ACAP2: variants seen among roughly 807,000 people sequenced by gnomAD.
The protein encoded by ACAP2 is arf-GAP with coiled-coil, ANK repeat and PH domain-containing protein 2.
A neutral mutation model predicts 115.8 loss-of-function variants in ACAP2; 39 were observed. That is an observed-to-expected ratio of 0.34 (90% CI 0.26 to 0.44). The LOEUF (loss-of-function observed/expected upper bound fraction) is 0.44. ACAP2 is among the 20% of genes least tolerant of loss of function. The probability of loss-of-function intolerance (pLI) is 1.00; values close to 1 mark genes in which losing one functional copy is unlikely to be tolerated. For synonymous variants in ACAP2, 289 were observed against 315.8 expected (o/e 0.92, Z 0.90); for missense variants, 662 against 927.6 (o/e 0.71, Z 3.72).
chr3:195,320,351 T>G (rs1729369241), intron 10 of ACAP2, among the ~76,000 whole-genome samples: 2 of 152,200 alleles, frequency 1.3e-5, no homozygotes, highest in African/African-American at 4.8e-5. Context: ...ATATTCATAA[T>G]TTGTACTCAA....
At chr3:195,368,652 T>C (rs1177935705) in intron 4 of ACAP2, among the ~76,000 whole-genome samples, 1 of 152,230 alleles carries the variant, frequency 6.6e-6, no homozygotes, top group Non-Finnish European at 1.5e-5. Context: ...AGATTCTTAT[T>C]AGAATATAAT....
intron 4 of ACAP2, among the ~76,000 whole-genome samples, chr3:195,375,821 AGAC>A (rs1038722628): frequency 2.0e-5 from 3 of 151,252 alleles, no homozygotes; most frequent in African/African-American, 7.4e-5. Flanking sequence ...AATGATAGAC[AGAC>A]AACAAAAAGA....
intron 4 of ACAP2, among the ~76,000 whole-genome samples, chr3:195,350,390 T>G (rs751794650): frequency 6.6e-6 from 1 of 152,186 alleles, no homozygotes; most frequent in South Asian, 2.1e-4. Flanking sequence ...CTGGGTACAG[T>G]GGCTCACGTC....
intron 17 of ACAP2, 109 bp from the exon 18 acceptor site, chr3:195,294,920 C>A: frequency 1.6e-6 from 1 of 616,466 alleles, no homozygotes; most frequent in Non-Finnish European, 2.9e-6. Context: ...TGAACTCAGG[C>A]ACCACAAGGA....
At position 195,275,182 on chromosome 3, in the gene ACAP2, G is replaced by A. The variant is rs888589046; in HGVS notation, c.*4146C>T. ...ATATCCAAAAAATGGAGGGTGGGGA[G>A]GTTGAAGAAAAATAAGAAAAGTTAG... On this transcript the variant is annotated 3_prime_UTR_variant, in exon 23 of 23. Coordinates refer to ENST00000326793, the MANE Select transcript of ACAP2 (RefSeq NM_012287.6). The A allele has an allele frequency of 6.6e-6, 1 of 152,536 alleles. No individual in the cohort carries two copies. The highest frequency in any genetic ancestry group is 1.9e-4 in the East Asian group (1 of 5,204). 9.4% of individuals were successfully genotyped at this position (152,536 alleles called of 1,614,324 possible). A position where few individuals can be genotyped will look rare whatever the true frequency, so the allele number is the denominator to read the frequency against.
At chr3:195,294,591 AGAAAAAAAAAAAAAAAATTAT>A in intron 18 of ACAP2, 107 bp downstream of exon 18, 1 of 68,798 alleles carries the variant, frequency 1.5e-5, no homozygotes, top group East Asian at 6.3e-4. Context: ...AAAAAAAAGA[AGAAAAAAAAAAAAAAAATTAT>A]ATATATATAT....
intron 7 of ACAP2, among the ~76,000 whole-genome samples, chr3:195,334,076 G>T (rs1730344914): frequency 6.6e-6 from 1 of 151,950 alleles, no homozygotes; most frequent in Non-Finnish European, 1.5e-5. Context: ...TACATGGAAG[G>T]AATTACATAA....
At chr3:195,326,028 C>A (rs1729773227) in intron 9 of ACAP2, among the ~76,000 whole-genome samples, 1 of 152,032 alleles carries the variant, frequency 6.6e-6, no homozygotes, top group Admixed American at 6.6e-5. Context: ...ATTTTTCTTA[C>A]TTTTATTATG....
chr3:195,420,709 C>G (rs531767876), intron 1 of ACAP2, among the ~76,000 whole-genome samples: 9 of 152,078 alleles, frequency 5.9e-5, no homozygotes, highest in African/African-American at 2.2e-4. Context: ...GTGGCGCCAT[C>G]TCAGCTCACT....
intron 10 of ACAP2, among the ~76,000 whole-genome samples, chr3:195,309,353 T>C (rs1728612531): frequency 6.6e-6 from 1 of 152,104 alleles, no homozygotes; most frequent in Non-Finnish European, 1.5e-5. Flanking sequence ...GAGACCAGCC[T>C]GACCAACATG....
Position 195,300,022 on chromosome 3 carries a change from T to C in ACAP2, c.1395+1553A>G, listed in dbSNP as rs112603017. Among the ~76,000 whole-genome samples the C allele has an allele frequency of 6.4e-4, 94 of 147,576 alleles. 1 individual carries two copies. Among genetic ancestry groups the C allele is most frequent in the African/African-American group, 2.3e-3 (91 of 39,658 alleles). ...AATGGGAATTAGTATCTACTTTCCGTCTTTCTTTTTTCTTTTTTTTTCTTT... is the reference window on the plus strand; with the variant it reads ...AATGGGAATTAGTATCTACTTTCCGCCTTTCTTTTTTCTTTTTTTTTCTTT... On this transcript the variant is annotated intron_variant, in intron 15 of 22. Transcript: ENST00000326793.
intron 6 of ACAP2, among the ~76,000 whole-genome samples, chr3:195,341,907 G>A (rs886078997): frequency 2.0e-5 from 3 of 152,116 alleles, no homozygotes; most frequent in African/African-American, 2.4e-5. Context: ...ACCAAATGCC[G>A]TGTGTTGTCA....
At chr3:195,285,893 A>G (rs1726813533) in intron 21 of ACAP2, 36 bp from the exon 22 acceptor site, 1 of 1,437,622 alleles carries the variant, frequency 7.0e-7, no homozygotes, top group African/African-American at 1.4e-5. Flanking sequence ...AGATGACATT[A>G]TATAATATAA....
chr3:195,354,284 T>G (rs938918629), intron 4 of ACAP2, among the ~76,000 whole-genome samples: 31 of 152,244 alleles, frequency 2.0e-4, no homozygotes, highest in African/African-American at 7.5e-4. Flanking sequence ...TTTGCTGTTG[T>G]GAATAGTGCT....
chr3:195,383,207 A>G (rs1734063284), intron 2 of ACAP2, among the ~76,000 whole-genome samples: 1 of 152,160 alleles, frequency 6.6e-6, no homozygotes, highest in Admixed American at 6.5e-5. Flanking sequence ...ATATGGAGTA[A>G]CCACTATGCA....
chr3:195,347,852 A>G (rs1429064738), intron 4 of ACAP2, among the ~76,000 whole-genome samples: 1 of 151,992 alleles, frequency 6.6e-6, no homozygotes, highest in Non-Finnish European at 1.5e-5. Context: ...CTATATATAT[A>G]CATTTTCAAA....
intron 16 of ACAP2, 152 bp from the exon 17 acceptor site, chr3:195,296,044 A>T (rs1727638869): frequency 3.3e-6 from 2 of 610,638 alleles, no homozygotes; most frequent in Non-Finnish European, 5.5e-6. Flanking sequence ...TATATATATT[A>T]TGTTTCCCTT....
At chr3:195,287,826 G>A (rs560678664) in intron 21 of ACAP2, among the ~76,000 whole-genome samples, 8 of 152,140 alleles carry the variant, frequency 5.3e-5, no homozygotes, top group East Asian at 1.9e-4. Context: ...CATTTTAGCC[G>A]GGCACGGTGA....
At chr3:195,290,407 T>C (rs555490664) in intron 20 of ACAP2, among the ~76,000 whole-genome samples, 31 of 152,064 alleles carry the variant, frequency 2.0e-4, no homozygotes, top group African/African-American at 7.0e-4. Flanking sequence ...ATACAAAGGA[T>C]GAGTTAAGTA....
Sources: gnomAD v4.1 joint callset for allele counts (sites outside exome capture counted in the v4.1 genomes callset) on GRCh38, gnomAD v4.1.1 for gene constraint, MANE v1.5 for transcripts, NCBI Gene and HGNC (gene_info 2026-07-23, HGNC 2026-07-21) for gene names.